ARHGEF9: variants seen among roughly 807,000 people sequenced by gnomAD.
The protein encoded by ARHGEF9 is rho guanine nucleotide exchange factor 9.
A neutral mutation model predicts 41.3 loss-of-function variants in ARHGEF9; 2 were observed. The observed-to-expected ratio is 0.05, with a 90% confidence interval of 0.02 to 0.15. The LOEUF (loss-of-function observed/expected upper bound fraction) is 0.15. Among genes scored for constraint, ARHGEF9 ranks in the 10% least tolerant of loss-of-function variants. The pLI is 1.00. For synonymous variants in ARHGEF9, 160 were observed against 154.4 expected (o/e 1.04, Z -0.27); for missense variants, 225 against 424.7 (o/e 0.53, Z 4.13).
At chrX:63,662,716 T>G (rs1300838864) in intron 7 of ARHGEF9, among the ~76,000 whole-genome samples, 1 of 112,197 alleles carries the variant, frequency 8.9e-6, no homozygotes, top group Admixed American at 9.5e-5. Flanking sequence ...AGTACCTACC[T>G]CATAGGTTTG....
In ARHGEF9 at chrX:63,635,007, A is replaced by C. The variant is rs1291918091; in HGVS notation, c.*3021T>G. The C allele has an allele frequency of 8.9e-6, 2 of 225,799 alleles. No homozygotes were observed. Among genetic ancestry groups the C allele is most frequent in the African/African-American group, 6.0e-5 (2 of 33,323 alleles). 18.6% of individuals were successfully genotyped at this position (225,799 alleles called of 1,213,427 possible). A position where few individuals can be genotyped will look rare whatever the true frequency, so the allele number is the denominator to read the frequency against. ...TTTATTGAACTCCATAAATATTTTC[A>C]TAAGGCTTTGTGTCATTACAACATT... On this transcript the variant is annotated 3_prime_UTR_variant, in exon 10 of 10. Transcript: ENST00000671741.
chrX:63,654,545 C>T (rs142091349), intron 8 of ARHGEF9, among the ~76,000 whole-genome samples: 131 of 112,016 alleles, frequency 1.2e-3, no homozygotes, highest in African/African-American at 4.2e-3. Flanking sequence ...GAGGAGAAGA[C>T]TGGAGTTAGA....
intron 1 of ARHGEF9, among the ~76,000 whole-genome samples, chrX:63,751,086 G>A (rs1556440483): frequency 9.0e-6 from 1 of 110,976 alleles, no homozygotes; most frequent in African/African-American, 3.3e-5. Context: ...ATCCAGGAGC[G>A]AAAATCCCTA....
chrX:63,668,042 C>T (rs1297158238), intron 6 of ARHGEF9, among the ~76,000 whole-genome samples: 3 of 111,827 alleles, frequency 2.7e-5, no homozygotes, highest in African/African-American at 9.8e-5. Flanking sequence ...TTTAAATATA[C>T]AATTTACTAA....
intron 2 of ARHGEF9, among the ~76,000 whole-genome samples, chrX:63,710,296 G>GA (rs75149222): frequency 0.18 from 4,125 of 22,598 alleles, 413 homozygotes; most frequent in African/African-American, 0.34. Context: ...CCACATGGGA[G>GA]AAAAAAAAAA....
At chrX:63,739,727 A>G (rs1602645678) in intron 1 of ARHGEF9, among the ~76,000 whole-genome samples, 1 of 112,251 alleles carries the variant, frequency 8.9e-6, no homozygotes, top group Non-Finnish European at 1.9e-5. Flanking sequence ...AAGTTTCTCA[A>G]TTACCTCCAA....
chrX:63,658,437 C>T (rs1326000511), intron 7 of ARHGEF9, among the ~76,000 whole-genome samples: 1 of 112,155 alleles, frequency 8.9e-6, no homozygotes, highest in African/African-American at 3.2e-5. Context: ...GTCTGAAGCC[C>T]TGAGTTTGAT....
At chrX:63,783,374 G>C in intron 1 of ARHGEF9, among the ~76,000 whole-genome samples, 1 of 107,710 alleles carries the variant, frequency 9.3e-6, no homozygotes, top group East Asian at 2.9e-4. Flanking sequence ...TCCTGGGTTC[G>C]AGTGATTCTC....
At chrX:63,639,789 G>T (rs1331148870) in intron 9 of ARHGEF9, 2 of 112,162 alleles carry the variant, frequency 1.8e-5, no homozygotes, top group African/African-American at 6.5e-5. Flanking sequence ...GCCACAAAAA[G>T]AATGAAATCC....
intron 1 of ARHGEF9, among the ~76,000 whole-genome samples, chrX:63,729,442 C>A (rs2054155770): frequency 9.0e-6 from 1 of 111,562 alleles, no homozygotes; most frequent in Non-Finnish European, 1.9e-5. Flanking sequence ...TCTCAAAAGT[C>A]AAAGACAAGA....
At position 63,637,208 on chromosome X, in the gene ARHGEF9, A is replaced by C; in HGVS notation, c.*820T>G. 1 of 297,984 alleles carries C rather than the reference A, an allele frequency of 3.4e-6. No homozygotes were observed. Among genetic ancestry groups the C allele is most frequent in the South Asian group, 2.0e-4 (1 of 5,064 alleles). The allele number at this position is 297,984 out of a possible 1,213,427, so 24.6% of individuals were successfully genotyped here. A position where few individuals can be genotyped will look rare whatever the true frequency, so the allele number is the denominator to read the frequency against. On this transcript the variant is annotated 3_prime_UTR_variant, in exon 10 of 10. Transcript: ENST00000671741. ...GGGAAACCCCAGTGATAGAAGAAAC[A>C]GCCTGAATGCAAAATGTTCCCTGAA...
intron 4 of ARHGEF9, among the ~76,000 whole-genome samples, chrX:63,680,441 C>G (rs2050549993): frequency 1.8e-5 from 2 of 112,329 alleles, no homozygotes; most frequent in Admixed American, 1.9e-4. Flanking sequence ...CCAGCTTCCC[C>G]AGCTTTATGG....
chrX:63,675,476 A>G (rs1336610928), intron 5 of ARHGEF9, among the ~76,000 whole-genome samples: 1 of 112,154 alleles, frequency 8.9e-6, no homozygotes, highest in Non-Finnish European at 1.9e-5. Context: ...GACTAGCAGT[A>G]TGGCCTTTGG....
At chrX:63,783,394 C>A (rs782255945) in intron 1 of ARHGEF9, among the ~76,000 whole-genome samples, 2 of 109,898 alleles carry the variant, frequency 1.8e-5, no homozygotes, top group African/African-American at 6.6e-5. Context: ...CCTGCCTCAG[C>A]CTCAGGCATG....
intron 1 of ARHGEF9, chrX:63,755,082 C>G: frequency 3.2e-6 from 3 of 939,076 alleles, no homozygotes; most frequent in Non-Finnish European, 2.6e-6. Flanking sequence ...GACACTCGTT[C>G]GATCCCTGCC....
At chrX:63,692,201 C>T (rs1411185791) in intron 4 of ARHGEF9, among the ~76,000 whole-genome samples, 3 of 111,348 alleles carry the variant, frequency 2.7e-5, no homozygotes, top group African/African-American at 9.8e-5. Flanking sequence ...GCAGAAATAC[C>T]CAAATGGGAT....
chrX:63,712,876 T>C (rs2053034889), intron 2 of ARHGEF9: 1 of 111,747 alleles, frequency 8.9e-6, no homozygotes, highest in Admixed American at 9.5e-5. Context: ...CTTGCATTTA[T>C]ATACCTATAT....
chrX:63,753,819 C>A (rs2055807365), intron 1 of ARHGEF9, among the ~76,000 whole-genome samples: 1 of 111,948 alleles, frequency 8.9e-6, no homozygotes, highest in African/African-American at 3.3e-5. Flanking sequence ...AGGACACAGT[C>A]ACCAACTGCC....
At chrX:63,753,262 G>T (rs1478730141) in intron 1 of ARHGEF9, among the ~76,000 whole-genome samples, 7 of 111,288 alleles carry the variant, frequency 6.3e-5, no homozygotes, top group African/African-American at 2.3e-4. Flanking sequence ...GACGTTTTTG[G>T]GTTTTGGTGG....
Sources: allele counts gnomAD v4.1 joint callset (sites outside exome capture counted in the v4.1 genomes callset), GRCh38; gene constraint gnomAD v4.1.1; transcripts MANE v1.5; gene names NCBI Gene and HGNC (gene_info 2026-07-23, HGNC 2026-07-21).